Variants in CPED1 observed in about 807,000 individuals in gnomAD.
The protein encoded by CPED1 is cadherin-like and PC-esterase domain-containing protein 1.
CPED1 carries 114 observed loss-of-function variants against 128.2 expected under a neutral mutation model. The observed-to-expected ratio is 0.89, with a 90% CI of 0.76 to 1.04. The LOEUF (loss-of-function observed/expected upper bound fraction) is 1.04. CPED1 is among the 50% of genes least tolerant of loss of function. The pLI is 0.00. For missense variants in CPED1, 1,211 were observed against 1,207.1 expected (o/e 1.00, Z -0.05); for synonymous variants, 462 against 426.7 (o/e 1.08, Z -1.02).
chr7:121,286,397 G>T (rs960805126), intron 22 of CPED1, among the ~76,000 whole-genome samples: 8 of 152,126 alleles, frequency 5.3e-5, no homozygotes, highest in Admixed American at 6.5e-5. Flanking sequence ...TTCCCCAGGG[G>T]TTCCTCAGTG....
At chr7:121,134,993 CAAATT>C (rs1198879382) in intron 13 of CPED1, among the ~76,000 whole-genome samples, 2 of 151,680 alleles carry the variant, frequency 1.3e-5, no homozygotes, top group African/African-American at 4.8e-5. Context: ...ACTGGACACA[CAAATT>C]AAGCTAGAGT....
intron 16 of CPED1, among the ~76,000 whole-genome samples, chr7:121,176,650 G>A (rs1258113304): frequency 6.6e-6 from 1 of 152,020 alleles, no homozygotes. Flanking sequence ...TCTGAAAGGT[G>A]TAAACTCCCC....
At chr7:121,112,769 C>T (rs1341705116) in intron 7 of CPED1, among the ~76,000 whole-genome samples, 1 of 152,152 alleles carries the variant, frequency 6.6e-6, no homozygotes, top group Admixed American at 6.5e-5. Context: ...ATGTGAGAAG[C>T]TGCAAAGTCA....
At chr7:121,097,286 T>G (rs939748434) in intron 5 of CPED1, among the ~76,000 whole-genome samples, 1 of 152,144 alleles carries the variant, frequency 6.6e-6, no homozygotes, top group African/African-American at 2.4e-5. Context: ...ATATCAGCAT[T>G]GTATTGTCAG....
intron 2 of CPED1, among the ~76,000 whole-genome samples, chr7:121,009,923 A>G (rs1330265742): frequency 6.6e-6 from 1 of 152,178 alleles, no homozygotes; most frequent in African/African-American, 2.4e-5. Context: ...ATAGTTAAAT[A>G]ATTAAAGGGC....
At chr7:121,265,092 G>A (rs553694590) in intron 18 of CPED1, among the ~76,000 whole-genome samples, 36 of 152,136 alleles carry the variant, frequency 2.4e-4, no homozygotes, top group African/African-American at 8.2e-4. Context: ...TGTAGGGTCC[G>A]GAGGGTGACA....
intron 3 of CPED1, among the ~76,000 whole-genome samples, chr7:121,043,583 G>A (rs1793114070): frequency 6.6e-6 from 1 of 152,052 alleles, no homozygotes; most frequent in South Asian, 2.1e-4. Flanking sequence ...TGGAAACCTG[G>A]AACACTCTAT....
intron 6 of CPED1, among the ~76,000 whole-genome samples, chr7:121,098,340 G>A (rs1794751861): frequency 6.6e-6 from 1 of 152,028 alleles, no homozygotes; most frequent in Non-Finnish European, 1.5e-5. Flanking sequence ...ACACAAATAA[G>A]TTTGCCTCAT....
rs1478087170 is a variant in CPED1, at chr7:121,020,596, C to T, written c.433+4748C>T. 3.3e-5 allele frequency among the ~76,000 whole-genome samples: 5 copies of T among 151,752 alleles called. No homozygotes were observed. The East Asian group carries it at 5.8e-4, about 18-fold the overall frequency. On this transcript the variant is annotated intron_variant, in intron 3 of 22. Transcript: ENST00000310396. ...AGATGTTTCATTTTTTAACTTACAC[C>T]AAATCTTATTCAAAAAGGATTTGAA...
At chr7:121,116,029 T>A (rs977046389) in intron 7 of CPED1, among the ~76,000 whole-genome samples, 3 of 152,200 alleles carry the variant, frequency 2.0e-5, no homozygotes, top group South Asian at 4.1e-4. Flanking sequence ...GGTCCATCAT[T>A]CAAAGCAAAT....
chr7:121,144,612 A>G (rs1795980034), intron 16 of CPED1, among the ~76,000 whole-genome samples: 1 of 151,974 alleles, frequency 6.6e-6, no homozygotes. Flanking sequence ...CTAATGTTCA[A>G]TAGTATAACA....
Position 121,222,519 on chromosome 7 carries a change from G to A in CPED1, c.2056-14195G>A, listed in dbSNP as rs188537552. ...AGTCATTGGTAGCCTGATGGGGATA[G>A]CATTGAATCTATAAATTACCTTTGG... On this transcript the variant is annotated intron_variant, in intron 16 of 22. Coordinates refer to ENST00000310396, the MANE Select transcript of CPED1 (RefSeq NM_024913.5). Among the ~76,000 whole-genome samples the A allele has an allele frequency of 2.0e-5, 3 of 152,236 alleles. No homozygotes were observed. The East Asian group carries it at 5.8e-4, about 29-fold the overall frequency.
At chr7:121,174,703 CG>C (rs1168541809) in intron 16 of CPED1, among the ~76,000 whole-genome samples, 1 of 151,794 alleles carries the variant, frequency 6.6e-6, no homozygotes, top group African/African-American at 2.4e-5. Flanking sequence ...CTTGGTTATT[CG>C]GGCTTTTTTG....
chr7:121,159,383 G>T (rs963193681), intron 16 of CPED1, among the ~76,000 whole-genome samples: 13 of 152,146 alleles, frequency 8.5e-5, no homozygotes, highest in Admixed American at 3.3e-4. Context: ...ATTTGGGGGA[G>T]ATCAATGAGG....
intron 2 of CPED1, among the ~76,000 whole-genome samples, chr7:121,006,638 C>A (rs527713357): frequency 1.3e-5 from 2 of 152,014 alleles, no homozygotes; most frequent in African/African-American, 4.8e-5. Context: ...AGGTGAACTA[C>A]GTTCTCTTTA....
chr7:121,063,381 G>GAAAAAAAAAAAAAAAAAAAAAA (rs368502123), intron 4 of CPED1, among the ~76,000 whole-genome samples: 7 of 67,038 alleles, frequency 1.0e-4, no homozygotes, highest in African/African-American at 2.4e-4. Flanking sequence ...TGAAGAAACT[G>GAAAAAAAAAAAAAAAAAAAAAA]AAAAAAAAAA....
chr7:121,060,793 C>G (rs1025672976), intron 4 of CPED1, among the ~76,000 whole-genome samples: 1 of 152,196 alleles, frequency 6.6e-6, no homozygotes, highest in Non-Finnish European at 1.5e-5. Flanking sequence ...CCGCTCCGGT[C>G]CCTTTTCACG....
rs796572354 is a variant in CPED1 at position 121,004,096 on chromosome 7, G to A, written c.250-11569G>A. The stretch of plus-strand genomic sequence containing the variant: ...CCTTCATTCAACAAGAAGTGGAGCC[G>A]ATCTTTACTGCCCTGGAGATGCAGA... On this transcript the variant is annotated intron_variant, in intron 2 of 22. Coordinates refer to ENST00000310396, the MANE Select transcript of CPED1 (RefSeq NM_024913.5). 2.6e-5 allele frequency among the ~76,000 whole-genome samples: 4 copies of A among 152,096 alleles called. 1 individual carries two copies. Among genetic ancestry groups the A allele is most frequent in the Admixed American group, 1.3e-4 (2 of 15,278 alleles).
intron 5 of CPED1, among the ~76,000 whole-genome samples, chr7:121,088,567 G>A (rs1031011360): frequency 2.0e-5 from 3 of 151,382 alleles, no homozygotes; most frequent in Non-Finnish European, 2.9e-5. Flanking sequence ...GCTGAGGCAG[G>A]AGAATCGCAT....
Sources: gnomAD v4.1 joint callset for allele counts (sites outside exome capture counted in the v4.1 genomes callset) on GRCh38, gnomAD v4.1.1 for gene constraint, MANE v1.5 for transcripts, NCBI Gene and HGNC (gene_info 2026-07-23, HGNC 2026-07-21) for gene names.